DISP1: variants seen among roughly 807,000 people sequenced by gnomAD.
The protein encoded by DISP1 is dispatched RND transporter family member 1.
Under a neutral mutation model 37.3 loss-of-function variants are expected in DISP1, and 30 were observed. That is an observed-to-expected ratio of 0.80 (90% CI 0.60 to 1.09). The LOEUF (loss-of-function observed/expected upper bound fraction) is 1.09. Ranked by LOEUF, DISP1 falls within the 50% of genes least tolerant of loss-of-function variation. DISP1 has a pLI of 0.00. For missense variants in DISP1, 1,598 were observed against 1,879.5 expected (o/e 0.85, Z 2.77); for synonymous variants, 634 against 690.2 (o/e 0.92, Z 1.28).
intron 1 of DISP1, among the ~76,000 whole-genome samples, chr1:222,851,410 G>C (rs750227845): frequency 2.1e-4 from 32 of 152,084 alleles, no homozygotes; most frequent in Non-Finnish European, 3.8e-4. Context: ...TCTTTATAGG[G>C]TTTCAGAGGA....
rs1679808509 is a variant in DISP1, at chr1:223,005,229, A to G, written c.3832A>G (p.Lys1278Glu). Residue 1278 changes from lysine (K) to glutamate (E), a missense_variant, in exon 9 of 9, where the codon AAA becomes GAA. By Grantham distance (56) the Lys-to-Glu change is moderately conservative (BLOSUM62 1). Transcript: ENST00000675850. The stretch of plus-strand genomic sequence containing the variant: ...GAGATGTAGCTGCCCAGATGCCTAC[A>G]AACACTTGAACTATGGCCCACACTC... ...NQRCSCPDAY[K>E]HLNYGPHSCQ... 6.2e-7 allele frequency: 1 copy of G among 1,614,032 alleles called. No homozygotes were observed. Among genetic ancestry groups the G allele is most frequent in the Non-Finnish European group, 8.5e-7 (1 of 1,180,032 alleles).
chr1:222,841,131 A>G (rs912180474), intron 1 of DISP1, among the ~76,000 whole-genome samples: 2 of 152,214 alleles, frequency 1.3e-5, no homozygotes, highest in African/African-American at 4.8e-5. Context: ...CAGTGTGTAT[A>G]TGCTAATTAG....
intron 1 of DISP1, among the ~76,000 whole-genome samples, chr1:222,876,761 T>C (rs764297825): frequency 5.3e-5 from 8 of 152,308 alleles, no homozygotes; most frequent in Non-Finnish European, 1.2e-4. Flanking sequence ...ATTCATGGGA[T>C]GAAAACTACA....
At chr1:222,923,696 GAT>G (rs1235058732) in intron 1 of DISP1, among the ~76,000 whole-genome samples, 1 of 152,168 alleles carries the variant, frequency 6.6e-6, no homozygotes, top group Non-Finnish European at 1.5e-5. Flanking sequence ...GAGAATCTAT[GAT>G]AGATGAGATG....
At chr1:222,819,511 T>TAC (rs1270493481) in intron 1 of DISP1, among the ~76,000 whole-genome samples, 1 of 127,810 alleles carries the variant, frequency 7.8e-6, no homozygotes, top group African/African-American at 2.8e-5. Context: ...ATATGTTATA[T>TAC]ACATACACAC....
intron 5 of DISP1, 29 bp from the exon 6 acceptor site, chr1:222,991,491 A>G (rs554033281): frequency 6.2e-7 from 1 of 1,613,316 alleles, no homozygotes; most frequent in South Asian, 1.1e-5. Context: ...AATGAAATAT[A>G]CTAATGAGCA....
At chr1:222,824,273 A>G (rs542224334) in intron 1 of DISP1, among the ~76,000 whole-genome samples, 3 of 152,296 alleles carry the variant, frequency 2.0e-5, no homozygotes, top group Admixed American at 1.3e-4. Flanking sequence ...TTTATTGATC[A>G]TATATGCCAG....
chr1:222,948,397 T>C (rs1674951191), intron 3 of DISP1, among the ~76,000 whole-genome samples: 1 of 152,230 alleles, frequency 6.6e-6, no homozygotes, highest in South Asian at 2.1e-4. Context: ...GAAGCAAATG[T>C]GCTCTTCGAT....
intron 4 of DISP1, among the ~76,000 whole-genome samples, chr1:222,986,271 G>C (rs528381194): frequency 6.6e-6 from 1 of 151,208 alleles, no homozygotes; most frequent in African/African-American, 2.4e-5. Context: ...AGAGAAAAAA[G>C]AAGAGTGTTT....
At position 222,856,706 on chromosome 1, in the gene DISP1, GT is replaced by G. The variant is rs11441357; in HGVS notation, c.-159+41644del. On this transcript the variant is annotated intron_variant, in intron 1 of 8. Coordinates refer to ENST00000675850, the MANE Select transcript of DISP1 (RefSeq NM_001377229.1). ...TATGTTTTTATGTTTATTATAATTCGTTTTTTTTTTTTTTTTGAGATGGAGT... is the reference window on the plus strand; with the variant it reads ...TATGTTTTTATGTTTATTATAATTCGTTTTTTTTTTTTTTTGAGATGGAGT... 6.4e-3 allele frequency among the ~76,000 whole-genome samples: 839 copies of G among 131,974 alleles called. 6 individuals are homozygous for G. The highest frequency in any genetic ancestry group is 0.021 in the Middle Eastern group (5 of 238). 86.6% of individuals were successfully genotyped at this position (131,974 alleles called of 152,430 possible).
chr1:222,899,410 T>C (rs886755434), intron 1 of DISP1, among the ~76,000 whole-genome samples: 1 of 152,214 alleles, frequency 6.6e-6, no homozygotes, highest in African/African-American at 2.4e-5. Context: ...TGGTTAAGAG[T>C]AATTAAATAA....
At chr1:222,869,168 C>T (rs1193086738) in intron 1 of DISP1, among the ~76,000 whole-genome samples, 1 of 152,002 alleles carries the variant, frequency 6.6e-6, no homozygotes, top group Non-Finnish European at 1.5e-5. Flanking sequence ...TGTAAATGCT[C>T]CTGTAATTTT....
chr1:222,966,668 T>C (rs1676516043), intron 3 of DISP1, among the ~76,000 whole-genome samples: 1 of 152,116 alleles, frequency 6.6e-6, no homozygotes, highest in African/African-American at 2.4e-5. Context: ...AGGGTATGAT[T>C]ATTGATTGGG....
At chr1:222,950,053 GA>G (rs2125512686) in intron 3 of DISP1, among the ~76,000 whole-genome samples, 1 of 152,284 alleles carries the variant, frequency 6.6e-6, no homozygotes, top group South Asian at 2.1e-4. Flanking sequence ...AAAATAAGTA[GA>G]ATAAGAAGAT....
intron 2 of DISP1, among the ~76,000 whole-genome samples, chr1:222,937,016 T>G (rs1673965813): frequency 9.2e-6 from 1 of 108,624 alleles, no homozygotes; most frequent in African/African-American, 3.5e-5. Context: ...GAATATTATA[T>G]ATTATATATT....
chr1:222,900,165 A>G (rs1454398443), intron 1 of DISP1, among the ~76,000 whole-genome samples: 3 of 152,330 alleles, frequency 2.0e-5, no homozygotes, highest in Admixed American at 6.5e-5. Context: ...GAGATTGAAT[A>G]TAGTACAGCA....
At chr1:222,943,903 G>T (rs1315288085) in intron 3 of DISP1, among the ~76,000 whole-genome samples, 1 of 152,082 alleles carries the variant, frequency 6.6e-6, no homozygotes, top group Non-Finnish European at 1.5e-5. Flanking sequence ...GGTGGTGCAT[G>T]CCTATAATCC....
At chr1:222,969,162 G>C (rs989143281) in intron 3 of DISP1, among the ~76,000 whole-genome samples, 1 of 151,686 alleles carries the variant, frequency 6.6e-6, no homozygotes, top group Non-Finnish European at 1.5e-5. Flanking sequence ...TCTGACGTCA[G>C]GAGTTCGAGA....
rs1297498139 is a variant in DISP1, at chr1:222,876,413, T to A, written c.-158-52017T>A. On this transcript the variant is annotated intron_variant, in intron 1 of 8. Coordinates refer to ENST00000675850, the MANE Select transcript of DISP1 (RefSeq NM_001377229.1). ...TGCACATATCCTTCTTCCCAGACATTTCACTTCTTAGTGAAATACAGGGGA... is the reference window on the plus strand; with the variant it reads ...TGCACATATCCTTCTTCCCAGACATATCACTTCTTAGTGAAATACAGGGGA... Among the ~76,000 whole-genome samples, 6 of 152,312 alleles carry A rather than the reference T, an allele frequency of 3.9e-5. No homozygotes were observed. In the East Asian group the frequency reaches 1.2e-3, roughly 29 times the overall value.
Sources: allele counts gnomAD v4.1 joint callset (sites outside exome capture counted in the v4.1 genomes callset), GRCh38; gene constraint gnomAD v4.1.1; transcripts MANE v1.5; gene names NCBI Gene and HGNC (gene_info 2026-07-23, HGNC 2026-07-21).